BIVM: variants seen among roughly 807,000 people sequenced by gnomAD.
The protein encoded by BIVM is basic, immunoglobulin-like variable motif containing.
Under a neutral mutation model 61.4 loss-of-function variants are expected in BIVM, and 31 were observed. That is an observed-to-expected ratio of 0.51 (90% CI 0.38 to 0.68). BIVM has a LOEUF of 0.68. BIVM is among the 30% of genes least tolerant of loss of function. The pLI is 0.00. For missense variants in BIVM, 526 were observed against 596.0 expected, an observed-to-expected ratio of 0.88 and a Z score of 1.22; for synonymous variants, 189 against 210.7, an observed-to-expected ratio of 0.90 and a Z score of 0.89.
intron 3 of BIVM, among the ~76,000 whole-genome samples, chr13:102,811,125 A>G (rs1879464929): frequency 6.6e-6 from 1 of 152,260 alleles, no homozygotes; most frequent in African/African-American, 2.4e-5. Context: ...AACTAACAAA[A>G]TAACACTGGC....
chr13:102,825,224 T>C (rs4386001), intron 7 of BIVM, among the ~76,000 whole-genome samples: 151,955 of 152,218 alleles, frequency 1, 75,847 homozygotes, highest in Middle Eastern at 1. Context: ...GGATTACAGG[T>C]GTGAACCACT....
chr13:102,800,548 G>T (rs903753813), intron 1 of BIVM: 1 of 145,442 alleles, frequency 6.9e-6, no homozygotes, highest in African/African-American at 2.7e-5. Context: ...GCGCGGCGGG[G>T]CTTGGCCTGC....
At chr13:102,809,895 C>T (rs1163608778) in intron 3 of BIVM, among the ~76,000 whole-genome samples, 1 of 151,882 alleles carries the variant, frequency 6.6e-6, no homozygotes, top group Admixed American at 6.6e-5. Context: ...ACACCATTCT[C>T]CTGCCTCAGC....
At position 102,807,482 on chromosome 13, in the gene BIVM, A is replaced by G. The variant is rs1189825953; in HGVS notation, c.215A>G (p.Asp72Gly). The G allele has an allele frequency of 4.3e-6, 7 of 1,614,160 alleles. No homozygotes were observed. Among genetic ancestry groups the G allele is most frequent in the Non-Finnish European group, 5.9e-6 (7 of 1,180,034 alleles). The stretch of plus-strand genomic sequence containing the variant: ...GAAAAAATTTATGCCATCTGTTCGG[A>G]CTATGCCTTTCTCAACCAGGCGACC... ...TREKIYAICS[D>G]YAFLNQATSI... Residue 72 changes from aspartate (D) to glycine (G), a missense_variant, in exon 3 of 11, where the codon GAC becomes GGC. Transcript: ENST00000257336. This position sits in a 1 kb window ranked among gnomAD's most constrained non-coding sequence, Gnocchi z 4.0.
intron 5 of BIVM, 74 bp from the exon 6 acceptor site, chr13:102,821,665 CATAT>C: frequency 8.2e-7 from 1 of 1,223,678 alleles, no homozygotes; most frequent in Non-Finnish European, 1.1e-6. Flanking sequence ...ATCAGACAAG[CATAT>C]TAACATTGAG....
chr13:102,822,574 A>G (rs1428108235), intron 7 of BIVM, among the ~76,000 whole-genome samples: 1 of 152,162 alleles, frequency 6.6e-6, no homozygotes, highest in Non-Finnish European at 1.5e-5. Context: ...TTGATGTTAG[A>G]CCTGTGTGGT....
At chr13:102,826,873 T>C (rs1432234397) in intron 7 of BIVM, among the ~76,000 whole-genome samples, 1 of 151,976 alleles carries the variant, frequency 6.6e-6, no homozygotes, top group Non-Finnish European at 1.5e-5. Flanking sequence ...CCCAGAGAAA[T>C]TAGAATAAGA....
chr13:102,810,110 A>G (rs1056700943), intron 3 of BIVM, among the ~76,000 whole-genome samples: 4 of 152,174 alleles, frequency 2.6e-5, no homozygotes, highest in African/African-American at 7.2e-5. Context: ...TGTACCCATT[A>G]AACAATAAAT....
intron 1 of BIVM, chr13:102,801,633 C>T (rs1878762944): frequency 6.6e-6 from 1 of 152,194 alleles, no homozygotes; most frequent in Admixed American, 6.5e-5. Flanking sequence ...ACAGTAATGC[C>T]TGGCATGATG....
At chr13:102,839,188 A>G (rs1006225924) in intron 10 of BIVM, among the ~76,000 whole-genome samples, 1 of 152,200 alleles carries the variant, frequency 6.6e-6, no homozygotes, top group African/African-American at 2.4e-5. Flanking sequence ...GTGTACAAAC[A>G]AGGCTTTGGG....
rs201689876 is a variant in BIVM at position 102,811,365 on chromosome 13, A to AT, written c.478+3630dup. Reference sequence around the variant, plus strand: ...TGCTGGATTTAGAATTCTTGTTTGAATTTTTTTTTTATTTCAGCACTTTGA... The same window carrying AT: ...TGCTGGATTTAGAATTCTTGTTTGAATTTTTTTTTTTATTTCAGCACTTTGA... On this transcript the variant is annotated intron_variant, in intron 3 of 10. Transcript: ENST00000257336. Among the ~76,000 whole-genome samples, 265 of 150,354 alleles carry AT rather than the reference A, an allele frequency of 1.8e-3. 1 individual carries two copies. The highest frequency in any genetic ancestry group is 0.01 in the Middle Eastern group (3 of 288).
intron 3 of BIVM, among the ~76,000 whole-genome samples, chr13:102,809,325 A>G (rs1879321976): frequency 1.3e-5 from 2 of 152,194 alleles, no homozygotes; most frequent in African/African-American, 2.4e-5. Flanking sequence ...GTTTTTCTAA[A>G]TATTGATTTC....
intron 10 of BIVM, 163 bp from the exon 11 acceptor site, chr13:102,839,409 G>C: frequency 2.1e-6 from 2 of 961,736 alleles, no homozygotes; most frequent in South Asian, 3.5e-5. Context: ...AAAGGCAGCT[G>C]TTAGAAAAGG....
chr13:102,839,209 A>G lies in BIVM; in HGVS notation c.1219-363A>G, dbSNP rs187462886. ...AAACAAGGCTTTGGGAGAGGCTCTC[A>G]GGAAATGATATCTTATTGATGCAAT... On this transcript the variant is annotated intron_variant, in intron 10 of 10. Coordinates refer to ENST00000257336, the MANE Select transcript of BIVM (RefSeq NM_017693.4). Among the ~76,000 whole-genome samples the G allele has an allele frequency of 2.5e-3, 388 of 152,334 alleles. No individual in the cohort carries two copies. In the Middle Eastern group the frequency reaches 0.027, roughly 11 times the overall value.
chr13:102,837,432 A>G (rs983608637), intron 9 of BIVM, among the ~76,000 whole-genome samples: 1 of 152,134 alleles, frequency 6.6e-6, no homozygotes. Context: ...TTTTTTCTCT[A>G]TGTGTTCTAT....
At chr13:102,834,429 A>T in intron 8 of BIVM, 37 bp from the exon 9 acceptor site, 1 of 1,560,390 alleles carries the variant, frequency 6.4e-7, no homozygotes, top group Non-Finnish European at 8.7e-7. Context: ...TCAAGGGAGT[A>T]ACTATTAAAC....
At chr13:102,802,948 C>T (rs904968175) in intron 1 of BIVM, among the ~76,000 whole-genome samples, 1 of 151,816 alleles carries the variant, frequency 6.6e-6, no homozygotes, top group African/African-American at 2.4e-5. Flanking sequence ...GTGCTGTGTT[C>T]TATCTTTAGC....
chr13:102,837,603 C>A (rs775535405), intron 9 of BIVM, among the ~76,000 whole-genome samples: 1 of 152,114 alleles, frequency 6.6e-6, no homozygotes, highest in Non-Finnish European at 1.5e-5. Context: ...CAGGCACACA[C>A]GTTTATAGTG....
At chr13:102,833,238 A>AAAAG (rs201589878) in intron 8 of BIVM, among the ~76,000 whole-genome samples, 2,159 of 151,886 alleles carry the variant, frequency 0.014, 53 homozygotes, top group African/African-American at 0.048. Context: ...TTTCTGTAAA[A>AAAAG]AAAGAAAGAA....
Sources: gnomAD v4.1 joint callset for allele counts (sites outside exome capture counted in the v4.1 genomes callset) on GRCh38, gnomAD v4.1.1 for gene constraint, Gnocchi (gnomAD v3.1) non-coding constraint, MANE v1.5 for transcripts, NCBI Gene and HGNC (gene_info 2026-07-23, HGNC 2026-07-21) for gene names.